The following DAB1 variants were observed in gnomAD, a reference collection of about 807,000 sequenced individuals.
The protein encoded by DAB1 is DAB adaptor protein 1.
Under a neutral mutation model 64.6 loss-of-function variants are expected in DAB1, and 15 were observed. The observed-to-expected ratio is 0.23, with a 90% CI of 0.16 to 0.36. DAB1 has a LOEUF of 0.36. DAB1 is among the 10% of genes least tolerant of loss of function. The pLI is 1.00. For synonymous variants in DAB1, 235 were observed against 251.9 expected (o/e 0.93, Z 0.64); for missense variants, 596 against 706.7 (o/e 0.84, Z 1.78).
At chr1:57,453,374 C>T (rs1686462682) in intron 7 of DAB1, among the ~76,000 whole-genome samples, 1 of 152,064 alleles carries the variant, frequency 6.6e-6, no homozygotes, top group South Asian at 2.1e-4. Flanking sequence ...TGCTTCTGGC[C>T]AATAAGCCAT....
chr1:58,309,362 C>A (rs1354361337), intron 4 of DAB1, among the ~76,000 whole-genome samples: 1 of 152,088 alleles, frequency 6.6e-6, no homozygotes, highest in Non-Finnish European at 1.5e-5. Flanking sequence ...TTTAATAGAG[C>A]AACTCTTCTC....
chr1:58,131,360 T>C (rs1013106151), intron 5 of DAB1, among the ~76,000 whole-genome samples: 6 of 141,790 alleles, frequency 4.2e-5, no homozygotes, highest in East Asian at 4.8e-4. Context: ...TACATTCTTC[T>C]AAATTTTTTT....
At chr1:57,331,514 T>C (rs1025548477) in intron 1 of DAB1, among the ~76,000 whole-genome samples, 3 of 152,100 alleles carry the variant, frequency 2.0e-5, no homozygotes, top group African/African-American at 7.2e-5. Flanking sequence ...GTTGTGTGAG[T>C]GGAAAAAATT....
intron 5 of DAB1, among the ~76,000 whole-genome samples, chr1:57,989,065 C>T (rs1215266682): frequency 1.3e-5 from 2 of 152,164 alleles, no homozygotes; most frequent in Non-Finnish European, 2.9e-5. Context: ...TGGGCCTGGG[C>T]TCCAAATCTT....
At chr1:57,391,515 A>G (rs938948881) in intron 1 of DAB1, among the ~76,000 whole-genome samples, 1 of 152,184 alleles carries the variant, frequency 6.6e-6, no homozygotes, top group South Asian at 2.1e-4. Context: ...TAATGCTTCA[A>G]TAAGCTTGAA....
intron 3 of DAB1, among the ~76,000 whole-genome samples, chr1:58,488,758 T>C (rs1645621457): frequency 6.6e-6 from 1 of 152,192 alleles, no homozygotes; most frequent in African/African-American, 2.4e-5. Flanking sequence ...CCCCAGTGTG[T>C]AGTCTTTTAC....
Position 57,146,897 on chromosome 1 carries a change from T to A in DAB1, c.68-1468A>T, listed in dbSNP as rs191960203. The stretch of plus-strand genomic sequence containing the variant: ...GTCAACTGAACTGTCTGAGCCTCAG[T>A]TTTTTAATGTGTTGGATGACAATAA... On this transcript the variant is annotated intron_variant, in intron 2 of 14. Coordinates refer to ENST00000371236, the MANE Select transcript of DAB1 (RefSeq NM_001365792.1). 3.2e-4 allele frequency among the ~76,000 whole-genome samples: 48 copies of A among 152,250 alleles called. 1 individual carries two copies. The highest frequency in any genetic ancestry group is 1.1e-3 in the African/African-American group (44 of 41,554).
intron 5 of DAB1, among the ~76,000 whole-genome samples, chr1:58,117,598 CTT>C (rs1398386384): frequency 2.0e-5 from 3 of 152,172 alleles, no homozygotes; most frequent in Non-Finnish European, 4.4e-5. Context: ...ATTCCACTGT[CTT>C]TCTGTTTCTA....
At chr1:57,777,566 T>A (rs903275187) in intron 6 of DAB1, among the ~76,000 whole-genome samples, 2 of 151,956 alleles carry the variant, frequency 1.3e-5, no homozygotes, top group African/African-American at 2.4e-5. Context: ...GCTGTTAAAA[T>A]TTTCCAGTGA....
intron 7 of DAB1, among the ~76,000 whole-genome samples, chr1:57,504,776 A>G (rs1644325993): frequency 6.6e-6 from 1 of 152,220 alleles, no homozygotes; most frequent in African/African-American, 2.4e-5. Context: ...ATCAAGCTCA[A>G]CATCAACAGT....
chr1:57,723,334 T>TAC (rs1218797694), intron 6 of DAB1, among the ~76,000 whole-genome samples: 140 of 152,338 alleles, frequency 9.2e-4, no homozygotes, highest in Middle Eastern at 6.8e-3. Flanking sequence ...GTATTTTTAG[T>TAC]TCTATGTACT....
chr1:58,140,829 A>G (rs975209972), intron 5 of DAB1, among the ~76,000 whole-genome samples: 2 of 152,272 alleles, frequency 1.3e-5, no homozygotes, highest in African/African-American at 4.8e-5. Context: ...AGATAGTTCC[A>G]ATACAAGGTA....
chr1:57,949,982 C>T (rs1645248104), intron 5 of DAB1, among the ~76,000 whole-genome samples: 1 of 152,080 alleles, frequency 6.6e-6, no homozygotes, highest in African/African-American at 2.4e-5. Flanking sequence ...TCATGTTGTC[C>T]CAAGGTTGTT....
intron 6 of DAB1, among the ~76,000 whole-genome samples, chr1:57,682,701 C>T (rs781749490): frequency 6.6e-6 from 1 of 152,116 alleles, no homozygotes; most frequent in African/African-American, 2.4e-5. Flanking sequence ...TAGGCAGAGA[C>T]AAGGCTTCAG....
chr1:57,483,169 T>A (rs1644045731), intron 7 of DAB1, among the ~76,000 whole-genome samples: 1 of 152,220 alleles, frequency 6.6e-6, no homozygotes, highest in Non-Finnish European at 1.5e-5. Flanking sequence ...ATTTCCTCAA[T>A]TGATCTTATA....
At chr1:58,488,541 T>A (rs1012737450) in intron 3 of DAB1, among the ~76,000 whole-genome samples, 2 of 152,166 alleles carry the variant, frequency 1.3e-5, no homozygotes, top group South Asian at 2.1e-4. Flanking sequence ...AACCTCTGCC[T>A]CCCAGGTTCA....
chr1:57,944,975 T>C (rs928446505), intron 5 of DAB1, among the ~76,000 whole-genome samples: 3 of 152,172 alleles, frequency 2.0e-5, no homozygotes, highest in Admixed American at 1.3e-4. Context: ...AGTGAGATAG[T>C]GAAACCTGAA....
At chr1:57,120,881 T>C in intron 4 of DAB1, among the ~76,000 whole-genome samples, 1 of 152,122 alleles carries the variant, frequency 6.6e-6, no homozygotes, top group East Asian at 1.9e-4. Context: ...TGCTTCCACC[T>C]TGTACAGCAC....
intron 7 of DAB1, among the ~76,000 whole-genome samples, chr1:57,533,596 G>A (rs186343414): frequency 6.1e-5 from 9 of 148,562 alleles, no homozygotes; most frequent in Non-Finnish European, 1.0e-4. Context: ...CAAATTGTAA[G>A]GGTTATGTGA....
Sources: allele counts gnomAD v4.1 joint callset (sites outside exome capture counted in the v4.1 genomes callset), GRCh38; gene constraint gnomAD v4.1.1; transcripts MANE v1.5; gene names NCBI Gene and HGNC (gene_info 2026-07-23, HGNC 2026-07-21).